The following FERMT1 variants were observed in gnomAD, a reference collection of about 807,000 sequenced individuals.
The protein encoded by FERMT1 is fermitin family homolog 1.
A neutral mutation model predicts 85.3 loss-of-function variants in FERMT1; 60 were observed. That is an observed-to-expected ratio of 0.70 (90% CI 0.57 to 0.87). The LOEUF is 0.87. FERMT1 is among the 40% of genes least tolerant of loss of function. The probability of loss-of-function intolerance (pLI) is 0.00; values close to 1 mark genes in which losing one functional copy is unlikely to be tolerated. For synonymous variants in FERMT1, 275 were observed against 301.1 expected (o/e 0.91, Z 0.90); for missense variants, 701 against 818.9 (o/e 0.86, Z 1.76).
At chr20:6,085,815 C>T (rs1424661868) in intron 11 of FERMT1, among the ~76,000 whole-genome samples, 1 of 150,886 alleles carries the variant, frequency 6.6e-6, no homozygotes, top group Non-Finnish European at 1.5e-5. Context: ...CACAAACGCA[C>T]TCGAGCCTGG....
chr20:6,097,451 A>C, intron 7 of FERMT1, 73 bp downstream of exon 7: 1 of 1,000,468 alleles, frequency 1.0e-6, no homozygotes, highest in Non-Finnish European at 1.6e-6. Flanking sequence ...AACCAGTATG[A>C]AGCATATGAA....
chr20:6,093,214 C>T (rs539653566), intron 9 of FERMT1, among the ~76,000 whole-genome samples: 32 of 152,118 alleles, frequency 2.1e-4, no homozygotes, highest in Non-Finnish European at 4.3e-4. Flanking sequence ...GAATAGAGTT[C>T]CACTCTCGAA....
Position 6,076,651 on chromosome 20 carries a change from G to T in FERMT1, c.*522C>A, listed in dbSNP as rs112442363. 6.5e-4 allele frequency: 223 copies of T among 341,488 alleles called. No individual in the cohort carries two copies. Among genetic ancestry groups the T allele is most frequent in the African/African-American group, 3.8e-3 (176 of 46,406 alleles). The allele number at this position is 341,488 out of a possible 1,614,324, so 21.2% of individuals were successfully genotyped here. ...CTCCCCTTTCTACCCCTAGACCTTG[G>T]CCTCCAGGGAAAAAGTGTGTGTAGG... On this transcript the variant is annotated 3_prime_UTR_variant, in exon 15 of 15. Transcript: ENST00000217289.
chr20:6,083,937 A>G (rs1348089732), intron 13 of FERMT1, 103 bp downstream of exon 13: 7 of 1,377,518 alleles, frequency 5.1e-6, no homozygotes, highest in Admixed American at 1.8e-5. Context: ...ATTCTCAAAT[A>G]AAAAGCATTC....
intron 9 of FERMT1, chr20:6,094,204 G>A (rs913246937): frequency 6.6e-6 from 1 of 152,208 alleles, no homozygotes; most frequent in African/African-American, 2.4e-5. Context: ...GTGCCCGTTG[G>A]TTAAGAAAAG....
At chr20:6,110,606 G>T in intron 4 of FERMT1, 95 bp from the exon 5 acceptor site, 1 of 1,052,528 alleles carries the variant, frequency 9.5e-7, no homozygotes, top group South Asian at 1.3e-5. Context: ...AATGAGTTTT[G>T]ACTTTAAATT....
At position 6,122,852 on chromosome 20, in the gene FERMT1, C is replaced by G. The variant is rs1449214297; in HGVS notation, c.-97G>C. On this transcript the variant is annotated 5_prime_UTR_variant, in exon 1 of 15. Transcript: ENST00000217289. Reference sequence around the variant, plus strand: ...TGCGTCCCTACAAACTACCCCGGGCCGAGCCGAGGAGCGGGCGCTGGCGAA... The same window carrying G: ...TGCGTCCCTACAAACTACCCCGGGCGGAGCCGAGGAGCGGGCGCTGGCGAA... 1.3e-5 allele frequency: 2 copies of G among 152,766 alleles called. No individual in the cohort carries two copies. The highest frequency in any genetic ancestry group is 1.9e-4 in the East Asian group (1 of 5,178). 9.5% of individuals were successfully genotyped at this position (152,766 alleles called of 1,614,324 possible). A position where few individuals can be genotyped will look rare whatever the true frequency, so the allele number is the denominator to read the frequency against.
At chr20:6,078,650 T>TTTG (rs1555798774) in intron 14 of FERMT1, among the ~76,000 whole-genome samples, 6 of 141,200 alleles carry the variant, frequency 4.2e-5, no homozygotes, top group African/African-American at 1.5e-4. Context: ...TTTTTTGTTT[T>TTTG]TTTTTTTTTT....
chr20:6,092,604 G>A (rs2123112283), intron 9 of FERMT1, among the ~76,000 whole-genome samples: 1 of 152,198 alleles, frequency 6.6e-6, no homozygotes, highest in South Asian at 2.1e-4. Context: ...TTTCTCAAGA[G>A]ATACTTTTCA....
Position 6,119,525 on chromosome 20 carries a change from A to T in FERMT1, c.30T>A (p.Ala10=). Residue 10 remains alanine (A), a synonymous_variant, in exon 2 of 15, where the codon GCT becomes GCA. Transcript: ENST00000217289. MLSSTDFTF[A]SWELVVRVDH... is the part of the protein sequence containing the mutation. ...CAACGCGGACCACAAGCTCCCAGGA[A>T]GCAAATGTAAAGTCAGTGGATGACA... is the stretch of plus-strand genomic sequence containing the variant. The T allele has an allele frequency of 6.2e-7, 1 of 1,614,206 alleles. No individual in the cohort carries two copies. Among genetic ancestry groups the T allele is most frequent in the Non-Finnish European group, 8.5e-7 (1 of 1,180,016 alleles).
rs1434349939 is a variant in FERMT1, at chr20:6,075,211, A to G, written c.*1962T>C. On this transcript the variant is annotated 3_prime_UTR_variant, in exon 15 of 15. Coordinates refer to ENST00000217289, the MANE Select transcript of FERMT1 (RefSeq NM_017671.5). ...TCAGACAACTATGAAAAGCTAAGGA[A>G]GCATGTTGAACTGAAGGTCTGGCTT... The G allele has an allele frequency of 6.6e-6, 1 of 152,324 alleles. No individual in the cohort carries two copies. Among genetic ancestry groups the G allele is most frequent in the Non-Finnish European group, 1.5e-5 (1 of 68,034 alleles). The allele number at this position is 152,324 out of a possible 1,614,324, so 9.4% of individuals were successfully genotyped here.
At chr20:6,109,107 T>C (rs1013103086) in intron 5 of FERMT1, among the ~76,000 whole-genome samples, 1 of 152,174 alleles carries the variant, frequency 6.6e-6, no homozygotes, top group African/African-American at 2.4e-5. Flanking sequence ...AGTAGAGTTC[T>C]AGAGTTGAGA....
In FERMT1 at chr20:6,076,831, A is replaced by T. The variant is rs1981836784; in HGVS notation, c.*342T>A. The T allele has an allele frequency of 2.5e-6, 1 of 402,490 alleles. No individual in the cohort carries two copies. The highest frequency in any genetic ancestry group is 5.6e-5 in the East Asian group (1 of 17,998). 24.9% of individuals were successfully genotyped at this position (402,490 alleles called of 1,614,324 possible). A position where few individuals can be genotyped will look rare whatever the true frequency, so the allele number is the denominator to read the frequency against. ...CTCCATTGACTTAGTAATGAGACAG[A>T]TCAGCACGAGGATAACTTGTAGCCA... On this transcript the variant is annotated 3_prime_UTR_variant, in exon 15 of 15. Coordinates refer to ENST00000217289, the MANE Select transcript of FERMT1 (RefSeq NM_017671.5).
intron 10 of FERMT1, among the ~76,000 whole-genome samples, chr20:6,088,370 A>T (rs552340347): frequency 1.3e-5 from 2 of 152,326 alleles, no homozygotes; most frequent in South Asian, 4.1e-4. Flanking sequence ...ACTTTTCAGG[A>T]TCTTACAGCA....
At chr20:6,096,361 C>T (rs961521356) in intron 8 of FERMT1, among the ~76,000 whole-genome samples, 10 of 152,038 alleles carry the variant, frequency 6.6e-5, no homozygotes, top group African/African-American at 2.2e-4. Context: ...CTTGTCTCTA[C>T]AAAAAATACA....
In FERMT1 at chr20:6,091,636, G is replaced by A. The variant is rs6053901; in HGVS notation, c.1140-2547C>T. On this transcript the variant is annotated intron_variant, in intron 9 of 14. Transcript: ENST00000217289. ...TTTAACCAAAAGATACAGGTAATAAGGTCTTGGTTTAATCTTCAGCCTCTA... is the reference window on the plus strand; with the variant it reads ...TTTAACCAAAAGATACAGGTAATAAAGTCTTGGTTTAATCTTCAGCCTCTA... 4.0e-3 allele frequency among the ~76,000 whole-genome samples: 616 copies of A among 152,310 alleles called. 7 individuals carry two copies. Among genetic ancestry groups the A allele is most frequent in the African/African-American group, 0.014 (588 of 41,560 alleles).
chr20:6,103,371 A>T (rs1256801643), intron 6 of FERMT1, among the ~76,000 whole-genome samples: 2 of 152,210 alleles, frequency 1.3e-5, no homozygotes, highest in Non-Finnish European at 2.9e-5. Flanking sequence ...AAACAATATA[A>T]TAACCGCCCC....
chr20:6,095,984 G>A lies in FERMT1; in HGVS notation c.1089+918C>T, dbSNP rs190341077. 3.5e-3 allele frequency among the ~76,000 whole-genome samples: 530 copies of A among 152,256 alleles called. 5 individuals are homozygous for A. Among genetic ancestry groups the A allele is most frequent in the African/African-American group, 0.012 (511 of 41,538 alleles). ...CATGGCCGAAGTTAAACAAAAGTGT[G>A]GCACCTCATGAGTGAATTAAACAGG... On this transcript the variant is annotated intron_variant, in intron 8 of 14. Transcript: ENST00000217289.
chr20:6,122,387 G>A (rs1983300722), intron 1 of FERMT1, among the ~76,000 whole-genome samples: 1 of 152,206 alleles, frequency 6.6e-6, no homozygotes, highest in South Asian at 2.1e-4. Context: ...ACGAAAGCAT[G>A]GAGGGATGGA....
Sources: allele counts gnomAD v4.1 joint callset (sites outside exome capture counted in the v4.1 genomes callset), GRCh38; gene constraint gnomAD v4.1.1; transcripts MANE v1.5; gene names NCBI Gene and HGNC (gene_info 2026-07-23, HGNC 2026-07-21).